Variants in EPHA6 observed in about 807,000 individuals in gnomAD.
The protein encoded by EPHA6 is ephrin type-A receptor 6.
A neutral mutation model predicts 112.0 loss-of-function variants in EPHA6; 50 were observed. The observed-to-expected ratio is 0.45, with a 90% CI of 0.36 to 0.56. EPHA6 has a LOEUF of 0.56. Ranked by LOEUF, EPHA6 falls within the 20% of genes least tolerant of loss-of-function variation. The probability of loss-of-function intolerance (pLI) is 0.00; values close to 1 mark genes in which losing one functional copy is unlikely to be tolerated. For missense variants in EPHA6, 1,280 were observed against 1,417.4 expected, an observed-to-expected ratio of 0.90 and a Z score of 1.56; for synonymous variants, 529 against 490.7, an observed-to-expected ratio of 1.08 and a Z score of -1.03.
In EPHA6 at chr3:97,689,448, A is replaced by AT. The variant is rs1336961084; in HGVS notation, c.2785-30807dup. Reference sequence around the variant, plus strand: ...AAAATTAATTTTATTTAGAAGGGTAATTTTTTGGCGGGGTGGGCTTGCCTG... The same window carrying AT: ...AAAATTAATTTTATTTAGAAGGGTAATTTTTTTGGCGGGGTGGGCTTGCCTG... On this transcript the variant is annotated intron_variant, in intron 14 of 17. Coordinates refer to ENST00000389672, the MANE Select transcript of EPHA6 (RefSeq NM_001080448.3). Among the ~76,000 whole-genome samples the AT allele has an allele frequency of 2.6e-5, 4 of 152,152 alleles. No individual in the cohort carries two copies. In the South Asian group the frequency reaches 8.3e-4, roughly 32 times the overall value.
At position 97,605,489 on chromosome 3, in the gene EPHA6, A is replaced by G. The variant is rs151016946; in HGVS notation, c.2513-5304A>G. Among the ~76,000 whole-genome samples the G allele has an allele frequency of 3.0e-3, 462 of 151,752 alleles. 7 individuals are homozygous for G. Among genetic ancestry groups the G allele is most frequent in the Non-Finnish European group, 3.6e-3 (245 of 67,756 alleles). ...CATATGGCTAGCCAGTTATCCCAGC[A>G]CCATTTGTTGACTAGGAAGTCCTTT... On this transcript the variant is annotated intron_variant, in intron 12 of 17. Coordinates refer to ENST00000389672, the MANE Select transcript of EPHA6 (RefSeq NM_001080448.3).
rs117464408 is a variant in EPHA6 at position 96,856,386 on chromosome 3, C to T, written c.386-10439C>T. On this transcript the variant is annotated intron_variant, in intron 1 of 17. Coordinates refer to ENST00000389672, the MANE Select transcript of EPHA6 (RefSeq NM_001080448.3). ...GTCCTTATTTGAAAATAAAATCAAT[C>T]TATAGAATCAGAATTTTACTCACAT... Among the ~76,000 whole-genome samples the T allele has an allele frequency of 8.2e-4, 124 of 152,088 alleles. 2 individuals carry two copies. The East Asian group carries it at 0.021, about 25-fold the overall frequency.
Position 96,936,908 on chromosome 3 carries a change from T to C in EPHA6, c.451-50422T>C, listed in dbSNP as rs570413136. On this transcript the variant is annotated intron_variant, in intron 2 of 17. Coordinates refer to ENST00000389672, the MANE Select transcript of EPHA6 (RefSeq NM_001080448.3). ...GTTTGCTGAGAATGATGGTTTCCAC[T>C]TTCATCCATGTCCCTACAAAGGCCA... is the stretch of plus-strand genomic sequence containing the variant. Among the ~76,000 whole-genome samples the C allele has an allele frequency of 2.6e-5, 4 of 152,250 alleles. No homozygotes were observed. In the South Asian group the frequency reaches 8.3e-4, roughly 32 times the overall value.
At chr3:97,742,393 G>C (rs2035542005) in intron 16 of EPHA6, among the ~76,000 whole-genome samples, 2 of 152,058 alleles carry the variant, frequency 1.3e-5, no homozygotes, top group South Asian at 4.1e-4. Flanking sequence ...TGGGAATTAT[G>C]GGAAATTCTT....
chr3:96,913,326 T>C (rs1024922477), intron 2 of EPHA6, among the ~76,000 whole-genome samples: 1 of 151,516 alleles, frequency 6.6e-6, no homozygotes, highest in Non-Finnish European at 1.5e-5. Flanking sequence ...ACTATGATTG[T>C]GCCACTGTAC....
rs147912411 is a variant in EPHA6, at chr3:96,873,859, A to G, written c.450+6970A>G. ...GATTATTAATGTGTCATGAGTCTGT[A>G]AAAGAACTGCAATTCAGCATTTCAG... On this transcript the variant is annotated intron_variant, in intron 2 of 17. Coordinates refer to ENST00000389672, the MANE Select transcript of EPHA6 (RefSeq NM_001080448.3). 3.4e-3 allele frequency among the ~76,000 whole-genome samples: 511 copies of G among 152,262 alleles called. 4 individuals carry two copies. Among genetic ancestry groups the G allele is most frequent in the African/African-American group, 0.012 (485 of 41,554 alleles).
At chr3:97,153,640 T>G (rs1269041149) in intron 3 of EPHA6, among the ~76,000 whole-genome samples, 2 of 152,138 alleles carry the variant, frequency 1.3e-5, no homozygotes, top group Non-Finnish European at 2.9e-5. Flanking sequence ...CATTTTTTTT[T>G]CCTTAAAACT....
intron 5 of EPHA6, among the ~76,000 whole-genome samples, chr3:97,312,595 G>C (rs980336119): frequency 1.3e-5 from 2 of 151,310 alleles, no homozygotes; most frequent in Non-Finnish European, 1.5e-5. Flanking sequence ...CAATCATTTT[G>C]GATAAGGGAT....
In EPHA6 at chr3:97,756,616, A is replaced by G. The variant is rs929014724; in HGVS notation, c.*7915A>G. On this transcript the variant is annotated 3_prime_UTR_variant, in exon 18 of 18. Transcript: ENST00000389672. ...AAGAAAAATGTATTAATATATTCAT[A>G]CTATGCAAAAATATCATTTTATTCT... Among the ~76,000 whole-genome samples, 1 of 151,938 alleles carries G rather than the reference A, an allele frequency of 6.6e-6. No individual in the cohort carries two copies.
intron 14 of EPHA6, among the ~76,000 whole-genome samples, chr3:97,679,171 G>T (rs1018745627): frequency 2.0e-5 from 3 of 151,912 alleles, no homozygotes; most frequent in South Asian, 2.1e-4. Context: ...ATGAATTTTT[G>T]ATCTCTACCC....
chr3:97,400,621 A>G (rs1225986675), intron 5 of EPHA6, among the ~76,000 whole-genome samples: 3 of 151,492 alleles, frequency 2.0e-5, no homozygotes, highest in African/African-American at 7.3e-5. Flanking sequence ...TGTAGTTTTT[A>G]TTATAGAGAT....
intron 3 of EPHA6, among the ~76,000 whole-genome samples, chr3:97,219,200 A>G (rs2078120565): frequency 6.6e-6 from 1 of 151,906 alleles, no homozygotes; most frequent in African/African-American, 2.4e-5. Flanking sequence ...TCAGTGGTCT[A>G]CCATTCTGGG....
At chr3:96,918,476 C>T (rs2039594507) in intron 2 of EPHA6, among the ~76,000 whole-genome samples, 2 of 151,966 alleles carry the variant, frequency 1.3e-5, no homozygotes, top group Non-Finnish European at 2.9e-5. Context: ...TTATAGAATT[C>T]CTTGACCATT....
At chr3:96,912,369 A>G (rs2039262264) in intron 2 of EPHA6, among the ~76,000 whole-genome samples, 1 of 152,154 alleles carries the variant, frequency 6.6e-6, no homozygotes, top group Non-Finnish European at 1.5e-5. Flanking sequence ...GTATGCCATC[A>G]TGAAATTTAT....
Position 96,850,868 on chromosome 3 carries a change from A to G in EPHA6, c.386-15957A>G, listed in dbSNP as rs2035340405. ...CTAGCTCACAGAGATTTTTGTAAGT[A>G]AAAGTGGCAGAAAATAAAATTACAT... On this transcript the variant is annotated intron_variant, in intron 1 of 17. Coordinates refer to ENST00000389672, the MANE Select transcript of EPHA6 (RefSeq NM_001080448.3). Among the ~76,000 whole-genome samples the G allele has an allele frequency of 2.0e-5, 3 of 152,164 alleles. No homozygotes were observed. The South Asian group carries it at 6.2e-4, about 32-fold the overall frequency.
At position 97,374,765 on chromosome 3, in the gene EPHA6, T is replaced by A. The variant is rs182657379; in HGVS notation, c.1607-30385T>A. ...ACTTATAAAAAAGAATAAAATTATG[T>A]CCTTTACAACAACACAGATGCAGCT... On this transcript the variant is annotated intron_variant, in intron 5 of 17. Transcript: ENST00000389672. 2.4e-4 allele frequency among the ~76,000 whole-genome samples: 37 copies of A among 152,232 alleles called. No individual in the cohort carries two copies. The South Asian group carries it at 5.6e-3, about 23-fold the overall frequency.
At chr3:97,224,062 AAATATTTC>A (rs2078283374) in intron 3 of EPHA6, among the ~76,000 whole-genome samples, 1 of 152,198 alleles carries the variant, frequency 6.6e-6, no homozygotes, top group African/African-American at 2.4e-5. Context: ...AAGGAATGTA[AAATATTTC>A]AATGGTTGAT....
intron 6 of EPHA6, among the ~76,000 whole-genome samples, chr3:97,408,658 G>GTGGTT: frequency 6.6e-6 from 1 of 152,034 alleles, no homozygotes; most frequent in African/African-American, 2.4e-5. Context: ...TTCATAGACA[G>GTGGTT]TGGTTTTCTC....
chr3:97,374,128 C>T (rs2085216193), intron 5 of EPHA6, among the ~76,000 whole-genome samples: 1 of 152,078 alleles, frequency 6.6e-6, no homozygotes, highest in African/African-American at 2.4e-5. Context: ...ATATTTTAAG[C>T]AACTAAAGTA....
Sources: gnomAD v4.1 joint callset for allele counts (sites outside exome capture counted in the v4.1 genomes callset) on GRCh38, gnomAD v4.1.1 for gene constraint, MANE v1.5 for transcripts, NCBI Gene and HGNC (gene_info 2026-07-23, HGNC 2026-07-21) for gene names.